Variants in IRAK2 observed in about 807,000 individuals in gnomAD.
The protein encoded by IRAK2 is interleukin-1 receptor-associated kinase-like 2.
In IRAK2, 57 loss-of-function variants were observed where a neutral mutation model predicts 72.0. The ratio of observed to expected loss-of-function variants is 0.79; its 90% CI spans 0.64 to 0.99. IRAK2 has a LOEUF of 0.99. Ranked by LOEUF, IRAK2 falls within the 50% of genes least tolerant of loss-of-function variation. The pLI, the probability that IRAK2 is intolerant of heterozygous loss-of-function variation, is 0.00. For synonymous variants in IRAK2, 293 were observed against 312.7 expected (o/e 0.94, Z 0.67); for missense variants, 790 against 794.4 (o/e 0.99, Z 0.07).
chr3:10,175,271 C>T (rs866370242), intron 1 of IRAK2, among the ~76,000 whole-genome samples: 4 of 151,960 alleles, frequency 2.6e-5, no homozygotes, highest in South Asian at 2.1e-4. Context: ...AGATTACAGG[C>T]GTGTGTTACC....
intron 11 of IRAK2, 51 bp from the exon 12 acceptor site, chr3:10,238,697 C>A (rs1296767729): frequency 6.4e-7 from 1 of 1,560,684 alleles, no homozygotes; most frequent in Non-Finnish European, 8.8e-7. Flanking sequence ...GTTAGCATTT[C>A]TATTTCAGAG....
At chr3:10,190,378 T>C (rs757308831) in intron 2 of IRAK2, among the ~76,000 whole-genome samples, 3 of 149,340 alleles carry the variant, frequency 2.0e-5, no homozygotes, top group Non-Finnish European at 4.4e-5. Context: ...CCTCGTGGAC[T>C]CAAGCAATTA....
rs1490820398 is a variant in IRAK2, at chr3:10,241,934, C to T, written c.1766-182C>T. Among the ~76,000 whole-genome samples the T allele has an allele frequency of 7.5e-5, 11 of 147,476 alleles. 1 individual carries two copies. The highest frequency in any genetic ancestry group is 1.5e-5 in the Non-Finnish European group (1 of 67,456). On this transcript the variant is annotated intron_variant, in intron 12 of 12. Coordinates refer to ENST00000256458, the MANE Select transcript of IRAK2 (RefSeq NM_001570.4). ...GTTGCCTTGAGCTGAAATTGTGCCA[C>T]TGCACTCCAGCCTGGGCAACAAAGT...
rs190404645 is a variant in IRAK2, at chr3:10,208,152, G to A, written c.425-1437G>A. Among the ~76,000 whole-genome samples, 307 of 151,996 alleles carry A rather than the reference G, an allele frequency of 2.0e-3. 5 individuals carry two copies. In the South Asian group the frequency reaches 0.042, roughly 21 times the overall value. ...TGAGGTGGGCCATGGTGGCTGGTCC[G>A]CACAGAAGCAGGCCTTGGCCAAAGG... On this transcript the variant is annotated intron_variant, in intron 3 of 12. Coordinates refer to ENST00000256458, the MANE Select transcript of IRAK2 (RefSeq NM_001570.4).
rs1697919980 is a variant in IRAK2, at chr3:10,234,556, A to G, written c.1370A>G (p.Lys457Arg). 5.0e-6 allele frequency: 8 copies of G among 1,613,984 alleles called. No homozygotes were observed. The South Asian group carries it at 6.6e-5, about 13-fold the overall frequency. Residue 457 changes from lysine to arginine, a missense_variant, in exon 11 of 13, where the codon AAG (lysine) becomes AGG (arginine). Coordinates refer to ENST00000256458, the MANE Select transcript of IRAK2 (RefSeq NM_001570.4). ...ENVMAKEICQ[K>R]YLEKGAGRLP... ...GTGATGGCAAAGGAGATCTGCCAGA[A>G]GTACCTGGAGAAGGGCGCAGGGAGG...
At chr3:10,174,678 C>A (rs898257624) in intron 1 of IRAK2, among the ~76,000 whole-genome samples, 2 of 151,942 alleles carry the variant, frequency 1.3e-5, no homozygotes, top group Non-Finnish European at 2.9e-5. Flanking sequence ...GTGGGCACCA[C>A]CACGCTTGGC....
chr3:10,207,647 C>G (rs1697451740), intron 3 of IRAK2, among the ~76,000 whole-genome samples: 2 of 152,154 alleles, frequency 1.3e-5, no homozygotes, highest in African/African-American at 4.8e-5. Flanking sequence ...TGACCCTAAA[C>G]TACTTGTCAA....
chr3:10,184,723 G>GT (rs55839723), intron 2 of IRAK2, among the ~76,000 whole-genome samples: 12,795 of 101,240 alleles, frequency 0.13, 1,319 homozygotes, highest in East Asian at 0.19. Flanking sequence ...GTTTTTGTGT[G>GT]TTTTTTTTTT....
Position 10,242,448 on chromosome 3 carries a change from G to A in IRAK2, c.*220G>A. ...ATCCATGAAGTCTCTTCCTTTCTGGGCTTTGTTAGTCAGAGCAGGGGATCA... is the reference window on the plus strand; with the variant it reads ...ATCCATGAAGTCTCTTCCTTTCTGGACTTTGTTAGTCAGAGCAGGGGATCA... On this transcript the variant is annotated 3_prime_UTR_variant, in exon 13 of 13. Coordinates refer to ENST00000256458, the MANE Select transcript of IRAK2 (RefSeq NM_001570.4). 2.8e-6 allele frequency: 1 copy of A among 354,728 alleles called. No individual in the cohort carries two copies. Among genetic ancestry groups the A allele is most frequent in the Non-Finnish European group, 5.1e-6 (1 of 194,316 alleles). The allele number at this position is 354,728 out of a possible 1,614,324, so 22.0% of individuals were successfully genotyped here.
At chr3:10,184,238 A>T (rs184265119) in intron 2 of IRAK2, among the ~76,000 whole-genome samples, 9 of 152,286 alleles carry the variant, frequency 5.9e-5, no homozygotes, top group Admixed American at 3.3e-4. Context: ...CTTGCAAGGG[A>T]GGCTGGGAAA....
At chr3:10,226,035 A>G (rs1282237727) in intron 9 of IRAK2, among the ~76,000 whole-genome samples, 1 of 152,216 alleles carries the variant, frequency 6.6e-6, no homozygotes, top group African/African-American at 2.4e-5. Context: ...TCTTTAAAAA[A>G]TAGTGTATAT....
At chr3:10,217,085 G>C (rs948146712) in intron 7 of IRAK2, 37 bp downstream of exon 7, 2 of 1,437,402 alleles carry the variant, frequency 1.4e-6, no homozygotes, top group Non-Finnish European at 2.0e-6. Context: ...ATGGGACCAG[G>C]CTGCACCCAG....
rs577765061 is a variant in IRAK2, at chr3:10,222,576, T to C, written c.1014-60T>C. On this transcript the variant is annotated intron_variant, in intron 8 of 12. Coordinates refer to ENST00000256458, the MANE Select transcript of IRAK2 (RefSeq NM_001570.4). The stretch of plus-strand genomic sequence containing the variant: ...ATATTGTCTCCCCAAAGGGTCTCCA[T>C]GGCAACTTGTTGTTATCCAGCTCAA... 5.6e-6 allele frequency: 8 copies of C among 1,437,408 alleles called. No individual in the cohort carries two copies. In the African/African-American group the frequency reaches 5.6e-5, roughly 10 times the overall value. The allele number at this position is 1,437,408 out of a possible 1,614,324, so 89.0% of individuals were successfully genotyped here. A position where few individuals can be genotyped will look rare whatever the true frequency, so the allele number is the denominator to read the frequency against.
intron 12 of IRAK2, among the ~76,000 whole-genome samples, chr3:10,240,968 G>C (rs1055664633): frequency 1.3e-5 from 2 of 151,838 alleles, no homozygotes; most frequent in Admixed American, 1.3e-4. Context: ...CCATGGGGAG[G>C]GGAGAGGAAG....
At chr3:10,171,860 G>C (rs1236032134) in intron 1 of IRAK2, among the ~76,000 whole-genome samples, 1 of 151,364 alleles carries the variant, frequency 6.6e-6, no homozygotes, top group Non-Finnish European at 1.5e-5. Context: ...CGGCCTCCTG[G>C]GTTCAAGTGA....
intron 11 of IRAK2, among the ~76,000 whole-genome samples, chr3:10,236,549 T>C (rs750500218): frequency 6.6e-6 from 1 of 151,958 alleles, no homozygotes; most frequent in Non-Finnish European, 1.5e-5. Context: ...GGTTTCACTA[T>C]GTTGGCCAAG....
At chr3:10,187,385 G>A (rs1454766188) in intron 2 of IRAK2, among the ~76,000 whole-genome samples, 3 of 152,186 alleles carry the variant, frequency 2.0e-5, no homozygotes, top group Non-Finnish European at 2.9e-5. Flanking sequence ...CTTGGATGAA[G>A]ATTCACCCTC....
intron 8 of IRAK2, 100 bp from the exon 9 acceptor site, chr3:10,222,536 G>T (rs1208165805): frequency 1.1e-6 from 1 of 904,964 alleles, no homozygotes; most frequent in East Asian, 2.4e-5. Flanking sequence ...TCAACTTGCA[G>T]GAGGTGAGGT....
rs1228381051 is a variant in IRAK2 at position 10,209,631 on chromosome 3, C to T, written c.467C>T (p.Pro156Leu). 2 of 1,570,732 alleles carry T rather than the reference C, an allele frequency of 1.3e-6. No individual in the cohort carries two copies. The highest frequency in any genetic ancestry group is 4.9e-5 in the East Asian group (2 of 40,598). The change falls in exon 4 of 13, where the codon CCT becomes CTT. Residue 156 changes from proline to leucine, a missense_variant. Physicochemically the swap from Pro to Leu is moderately conservative, Grantham distance 98. Transcript: ENST00000256458. ...GCCCACCAGCCGGCCTTTCTCCAGCCTCCTGAAGAAGATGCCCCTCATTCC... is the reference window on the plus strand; with the variant it reads ...GCCCACCAGCCGGCCTTTCTCCAGCTTCCTGAAGAAGATGCCCCTCATTCC... ...ARAHQPAFLQ[P>L]PEEDAPHSLR... is the part of the protein sequence containing the mutation.
Sources: gnomAD v4.1 joint callset for allele counts (sites outside exome capture counted in the v4.1 genomes callset) on GRCh38, gnomAD v4.1.1 for gene constraint, MANE v1.5 for transcripts, NCBI Gene and HGNC (gene_info 2026-07-23, HGNC 2026-07-21) for gene names.